MDGA2: variants seen among roughly 807,000 people sequenced by gnomAD.
MDGA2 encodes MAM domain containing glycosylphosphatidylinositol anchor 2.
In MDGA2, 40 loss-of-function variants were observed where a neutral mutation model predicts 117.8. That is an observed-to-expected ratio of 0.34 (90% CI 0.26 to 0.44). The LOEUF (loss-of-function observed/expected upper bound fraction) is 0.44. Among genes scored for constraint, MDGA2 ranks in the 20% least tolerant of loss-of-function variants. The probability of loss-of-function intolerance (pLI) is 1.00; values close to 1 mark genes in which losing one functional copy is unlikely to be tolerated. For synonymous variants in MDGA2, 452 were observed against 439.0 expected (o/e 1.03, Z -0.37); for missense variants, 1,123 against 1,250.6 (o/e 0.90, Z 1.54).
intron 1 of MDGA2, among the ~76,000 whole-genome samples, chr14:47,552,991 T>G (rs1164565761): frequency 6.6e-6 from 1 of 152,206 alleles, no homozygotes; most frequent in Non-Finnish European, 1.5e-5. Flanking sequence ...TCAGGAAGAC[T>G]TTCACTCATC....
chr14:47,170,879 T>G (rs755122050), intron 3 of MDGA2, among the ~76,000 whole-genome samples: 64 of 152,166 alleles, frequency 4.2e-4, no homozygotes, highest in Non-Finnish European at 6.0e-4. Flanking sequence ...TTTTTTAAGT[T>G]AACGACGTGA....
Position 46,884,323 on chromosome 14 carries a change from TTC to T in MDGA2, c.2239-2104_2239-2103del, listed in dbSNP as rs1350529332. 6.6e-6 allele frequency among the ~76,000 whole-genome samples: 1 copy of T among 152,094 alleles called. No homozygotes were observed. Among genetic ancestry groups the T allele is most frequent in the African/African-American group, 2.4e-5 (1 of 41,432 alleles). On this transcript the variant is annotated intron_variant, in intron 10 of 16. Transcript: ENST00000399232. The surrounding 1 kb of genome is among the most constrained non-coding windows in gnomAD (Gnocchi z 4.1). Reference sequence around the variant, plus strand: ...AGGGCAAAAGTAGTTTGGGCAGAAATTCTGTTACTTTTGAATGCCATTTTCCC... The same window carrying T: ...AGGGCAAAAGTAGTTTGGGCAGAAATTGTTACTTTTGAATGCCATTTTCCC...
intron 1 of MDGA2, among the ~76,000 whole-genome samples, chr14:47,310,299 C>T (rs1029977108): frequency 9.2e-5 from 14 of 152,098 alleles, no homozygotes; most frequent in South Asian, 2.1e-4. Context: ...TTGACAACTT[C>T]TGACAAGTAT....
chr14:47,024,367 G>C (rs1012260780), intron 8 of MDGA2, among the ~76,000 whole-genome samples: 1 of 152,136 alleles, frequency 6.6e-6, no homozygotes, highest in Non-Finnish European at 1.5e-5. Flanking sequence ...TCAAACACTG[G>C]ATAAACTGTT....
intron 6 of MDGA2, among the ~76,000 whole-genome samples, chr14:47,093,878 G>A (rs1879812327): frequency 1.3e-5 from 2 of 152,004 alleles, no homozygotes; most frequent in South Asian, 2.1e-4. Flanking sequence ...TGCTTACTCA[G>A]AAACCTGGTC....
chr14:46,920,233 CT>C, intron 9 of MDGA2, 73 bp from the exon 10 acceptor site: 1 of 1,382,322 alleles, frequency 7.2e-7, no homozygotes, highest in Non-Finnish European at 9.8e-7. Context: ...CCCTTTGGCC[CT>C]TTTACCATTT....
intron 2 of MDGA2, among the ~76,000 whole-genome samples, chr14:47,251,052 T>C (rs1887428817): frequency 6.6e-6 from 1 of 152,252 alleles, no homozygotes; most frequent in Admixed American, 6.5e-5. Flanking sequence ...TGTTTAAATA[T>C]AAGTCAAAGT....
Position 46,860,484 on chromosome 14 carries a change from T to A in MDGA2, c.2753-5330A>T, listed in dbSNP as rs549445481. On this transcript the variant is annotated intron_variant, in intron 14 of 16. Coordinates refer to ENST00000399232, the MANE Select transcript of MDGA2 (RefSeq NM_001113498.3). ...TGCTAGTATTTTATTTTGGAATAAT[T>A]CATGGATATTTGTCCTTATGGTTCT... Among the ~76,000 whole-genome samples the A allele has an allele frequency of 2.0e-5, 3 of 152,090 alleles. No homozygotes were observed. The East Asian group carries it at 5.8e-4, about 29-fold the overall frequency.
intron 1 of MDGA2, among the ~76,000 whole-genome samples, chr14:47,475,149 C>T (rs117436708): frequency 0.029 from 4,369 of 152,050 alleles, 73 homozygotes; most frequent in Non-Finnish European, 0.042. Flanking sequence ...AAAACAACCC[C>T]GTTAAAAAGT....
At chr14:47,075,691 A>G (rs758667233) in intron 6 of MDGA2, among the ~76,000 whole-genome samples, 46 of 152,238 alleles carry the variant, frequency 3.0e-4, no homozygotes, top group Non-Finnish European at 6.0e-4. Flanking sequence ...ATTTATATAA[A>G]GAATGATAAA....
chr14:47,626,596 T>A (rs906146014), intron 1 of MDGA2: 2 of 152,318 alleles, frequency 1.3e-5, no homozygotes, highest in African/African-American at 4.8e-5. Context: ...GCCCGGCGCT[T>A]GCGGGCCAGC....
intron 6 of MDGA2, among the ~76,000 whole-genome samples, chr14:47,078,664 T>C (rs1446961619): frequency 6.6e-6 from 1 of 152,150 alleles, no homozygotes; most frequent in African/African-American, 2.4e-5. Context: ...AATAAAATAA[T>C]CTTTCAAAAA....
chr14:47,225,772 C>T lies in MDGA2; in HGVS notation c.421-7577G>A, dbSNP rs187968316. ...GCACATGTATACATATGTAACTAACCAGCACATTGTGCACATGTACCCTAA... is the reference window on the plus strand; with the variant it reads ...GCACATGTATACATATGTAACTAACTAGCACATTGTGCACATGTACCCTAA... On this transcript the variant is annotated intron_variant, in intron 2 of 16. Transcript: ENST00000399232. Among the ~76,000 whole-genome samples the T allele has an allele frequency of 6.9e-3, 1,051 of 151,922 alleles. 14 individuals are homozygous for T. The highest frequency in any genetic ancestry group is 0.025 in the African/African-American group (1,016 of 41,428).
intron 1 of MDGA2, among the ~76,000 whole-genome samples, chr14:47,361,918 T>G (rs930115302): frequency 6.6e-6 from 1 of 152,226 alleles, no homozygotes; most frequent in Admixed American, 6.5e-5. Flanking sequence ...TGTGTTACTA[T>G]CCTTCACTTT....
At chr14:47,561,882 T>C (rs1293116515) in intron 1 of MDGA2, among the ~76,000 whole-genome samples, 3 of 152,208 alleles carry the variant, frequency 2.0e-5, no homozygotes, top group East Asian at 1.9e-4. Context: ...ATGGCTCTTA[T>C]TATTTTAAAG....
intron 1 of MDGA2, among the ~76,000 whole-genome samples, chr14:47,602,310 G>C (rs774084973): frequency 3.9e-5 from 6 of 152,098 alleles, no homozygotes; most frequent in Non-Finnish European, 8.8e-5. Context: ...CATGGAGTGA[G>C]TGCACTAAAA....
chr14:46,854,154 T>C (rs1881171275), intron 15 of MDGA2, among the ~76,000 whole-genome samples: 1 of 151,626 alleles, frequency 6.6e-6, no homozygotes, highest in Admixed American at 6.6e-5. Flanking sequence ...ACTGGCACGA[T>C]TTTCTATACC....
At chr14:47,337,549 GGCAC>G (rs1890497937) in intron 1 of MDGA2, among the ~76,000 whole-genome samples, 1 of 151,898 alleles carries the variant, frequency 6.6e-6, no homozygotes, top group Non-Finnish European at 1.5e-5. Flanking sequence ...AAAGAGGAGA[GGCAC>G]TTTAAAATTT....
At chr14:47,453,638 C>A (rs1441157419) in intron 1 of MDGA2, among the ~76,000 whole-genome samples, 1 of 152,078 alleles carries the variant, frequency 6.6e-6, no homozygotes, top group African/African-American at 2.4e-5. Flanking sequence ...TTGAAAAGTA[C>A]AAGGTTTGAA....
Sources: allele counts gnomAD v4.1 joint callset (sites outside exome capture counted in the v4.1 genomes callset), GRCh38; gene constraint gnomAD v4.1.1; non-coding constraint Gnocchi (gnomAD v3.1); transcripts MANE v1.5; gene names NCBI Gene and HGNC (gene_info 2026-07-23, HGNC 2026-07-21).